The following TRIM3 variants were observed in gnomAD, a reference collection of about 807,000 sequenced individuals.
TRIM3 encodes the protein tripartite motif containing 3, also known as tripartite motif-containing protein 3.
TRIM3 carries 13 observed loss-of-function variants against 66.6 expected under a neutral mutation model. The observed-to-expected ratio is 0.20, with a 90% CI of 0.13 to 0.31. The LOEUF (loss-of-function observed/expected upper bound fraction) is 0.31. Among genes scored for constraint, TRIM3 ranks in the 10% least tolerant of loss-of-function variants. The pLI is 1.00. For synonymous variants in TRIM3, 406 were observed against 411.7 expected (o/e 0.99, Z 0.17); for missense variants, 711 against 1,020.4 (o/e 0.70, Z 4.13).
At chr11:6,471,936 T>C (rs545204320) in intron 1 of TRIM3, among the ~76,000 whole-genome samples, 6 of 152,246 alleles carry the variant, frequency 3.9e-5, no homozygotes, top group African/African-American at 1.4e-4. Context: ...ATGATGCTTT[T>C]ACATCCTAAA....
At chr11:6,459,542 G>T (rs1261707115) in intron 2 of TRIM3, among the ~76,000 whole-genome samples, 1 of 152,200 alleles carries the variant, frequency 6.6e-6, no homozygotes, top group Non-Finnish European at 1.5e-5. Flanking sequence ...AGGGCAAGTG[G>T]CCCAAGGTAA....
At chr11:6,465,334 T>C (rs1850412142) in intron 2 of TRIM3, among the ~76,000 whole-genome samples, 1 of 152,198 alleles carries the variant, frequency 6.6e-6, no homozygotes, top group Non-Finnish European at 1.5e-5. Flanking sequence ...AAGGCCCTAT[T>C]CTTGACAGGA....
rs1849608881 is a variant in TRIM3, at chr11:6,448,940, C to T, written c.*88G>A. On this transcript the variant is annotated 3_prime_UTR_variant, in exon 12 of 12. Coordinates refer to ENST00000345851, the MANE Select transcript of TRIM3 (RefSeq NM_033278.4). ...TGCCCACAGCCCACATTCAGTGCTG[C>T]CAGGTCTGGCCCACCTCCCAGCCAG... 1 of 1,547,106 alleles carries T rather than the reference C, an allele frequency of 6.5e-7. No homozygotes were observed. The highest frequency in any genetic ancestry group is 1.2e-5 in the South Asian group (1 of 86,226).
At chr11:6,465,867 G>A (rs1850442926) in intron 1 of TRIM3, 135 bp from the exon 2 acceptor site, 1 of 717,880 alleles carries the variant, frequency 1.4e-6, no homozygotes, top group Non-Finnish European at 2.3e-6. Flanking sequence ...GTGACTGGAA[G>A]GATCAGGGTG....
In TRIM3 at chr11:6,449,604, T is replaced by C. The variant is rs1849638315; in HGVS notation, c.1942-158A>G. 2 of 597,170 alleles carry C rather than the reference T, an allele frequency of 3.3e-6. No homozygotes were observed. The highest frequency in any genetic ancestry group is 5.0e-5 in the South Asian group (2 of 39,660). 37.0% of individuals were successfully genotyped at this position (597,170 alleles called of 1,614,324 possible). On this transcript the variant is annotated intron_variant, in intron 10 of 11. Transcript: ENST00000345851. This position sits in a 1 kb window ranked among gnomAD's most constrained non-coding sequence, Gnocchi z 5.3. ...TAGGCTTCACATCCATGTGCCCTAC[T>C]GCCTAGTAGACATCTCTTGCTGATG...
In TRIM3 at chr11:6,449,295, G is replaced by T; in HGVS notation, c.2082+11C>A. On this transcript the variant is annotated intron_variant, in intron 11 of 11. Transcript: ENST00000345851. This position sits in a 1 kb window ranked among gnomAD's most constrained non-coding sequence, Gnocchi z 5.3. Reference sequence around the variant, plus strand: ...AACCGCCCCCTCATGTCATTCCCAGGCCTTACTCACCTGGATGCGGCTGTT... The same window carrying T: ...AACCGCCCCCTCATGTCATTCCCAGTCCTTACTCACCTGGATGCGGCTGTT... 1 of 1,613,394 alleles carries T rather than the reference G, an allele frequency of 6.2e-7. No homozygotes were observed.
chr11:6,467,549 T>C (rs1010541971), intron 1 of TRIM3, among the ~76,000 whole-genome samples: 4 of 152,194 alleles, frequency 2.6e-5, no homozygotes, highest in African/African-American at 9.6e-5. Flanking sequence ...GAAGATCGTT[T>C]GAGCCCAGGA....
intron 2 of TRIM3, among the ~76,000 whole-genome samples, chr11:6,463,219 A>G (rs1416218636): frequency 1.3e-5 from 2 of 152,204 alleles, no homozygotes; most frequent in Admixed American, 1.3e-4. Flanking sequence ...AAACAAAAAC[A>G]AAAACAAAAA....
intron 2 of TRIM3, among the ~76,000 whole-genome samples, chr11:6,459,217 G>T (rs1850119616): frequency 6.6e-6 from 1 of 152,228 alleles, no homozygotes; most frequent in Admixed American, 6.5e-5. Flanking sequence ...AAGCAGCATA[G>T]TATGAATAAG....
intron 2 of TRIM3, among the ~76,000 whole-genome samples, chr11:6,462,593 G>T (rs1371985886): frequency 2.6e-5 from 4 of 151,468 alleles, no homozygotes; most frequent in Non-Finnish European, 5.9e-5. Flanking sequence ...TTCTTTTTTA[G>T]AGACTGCATC....
chr11:6,457,468 T>C lies in TRIM3; in HGVS notation c.524A>G (p.Gln175Arg). The C allele has an allele frequency of 6.2e-7, 1 of 1,612,412 alleles. No homozygotes were observed. The highest frequency in any genetic ancestry group is 8.5e-7 in the Non-Finnish European group (1 of 1,179,916). Residue 175 changes from glutamine to arginine, a missense_variant, in exon 5 of 12, where the codon CAG becomes CGG. This residue lies in a region of TRIM3 where 149 missense variants were observed against 240.3 expected (regional missense o/e 0.62). Coordinates refer to ENST00000345851, the MANE Select transcript of TRIM3 (RefSeq NM_033278.4). This position sits in a 1 kb window ranked among gnomAD's most constrained non-coding sequence, Gnocchi z 4.5. ...QLEAVRGRLP[Q>R]LSAAIALVGG... ...GACTAAGGCAATTGCTGCGGACAGC[T>C]GTGGCAATCTGGAGGGGGAATATCT...
At chr11:6,470,246 C>T (rs1850627487) in intron 1 of TRIM3, among the ~76,000 whole-genome samples, 1 of 152,064 alleles carries the variant, frequency 6.6e-6, no homozygotes, top group Non-Finnish European at 1.5e-5. Flanking sequence ...ATCAATTTTG[C>T]AGGGGGATAT....
intron 7 of TRIM3, chr11:6,453,087 C>G (rs1002379378): frequency 6.6e-6 from 1 of 152,220 alleles, no homozygotes; most frequent in Non-Finnish European, 1.5e-5. Context: ...ATGTAAGCCT[C>G]GCATGGCATA....
chr11:6,457,793 C>A lies in TRIM3; in HGVS notation c.418G>T (p.Ala140Ser). 6.2e-7 allele frequency: 1 copy of A among 1,614,200 alleles called. No individual in the cohort carries two copies. Residue 140 changes from alanine (A) to serine (S), a missense_variant, in exon 4 of 12, where the codon GCC (alanine) becomes TCC (serine). Ala to Ser is a moderately conservative substitution (Grantham distance 99, BLOSUM62 1). Coordinates refer to ENST00000345851, the MANE Select transcript of TRIM3 (RefSeq NM_033278.4). This position sits in a 1 kb window ranked among gnomAD's most constrained non-coding sequence, Gnocchi z 4.5. ...GTGCCATGCTCACGATGCTCCCCGGCGCGGCACTCACCACACATGGCCGTC... is the reference window on the plus strand; with the variant it reads ...GTGCCATGCTCACGATGCTCCCCGGAGCGGCACTCACCACACATGGCCGTC... Reference protein sequence around the residue: ...CETAMCGECRAGEHREHGTVL... With the variant: ...CETAMCGECRSGEHREHGTVL...
In TRIM3 at chr11:6,456,983, A is replaced by G; in HGVS notation, c.743T>C (p.Ile248Thr). 1 of 1,606,122 alleles carries G rather than the reference A, an allele frequency of 6.2e-7. No individual in the cohort carries two copies. The highest frequency in any genetic ancestry group is 8.5e-7 in the Non-Finnish European group (1 of 1,177,752). The change falls in exon 6 of 12, where the codon ATC (isoleucine) becomes ACC (threonine). Residue 248 changes from isoleucine to threonine, a missense_variant. Around this residue, in one of 3 missense-constraint regions of TRIM3, gnomAD observed 399 missense variants for 458.1 expected, o/e 0.87. Coordinates refer to ENST00000345851, the MANE Select transcript of TRIM3 (RefSeq NM_033278.4). The surrounding 1 kb of genome is among the most constrained non-coding windows in gnomAD (Gnocchi z 6.4). ...CTCTGCAAAGCTGCAGCTACTGCCGATGTGTTCCTGACCCTGGCGCAGTGT... is the reference window on the plus strand; with the variant it reads ...CTCTGCAAAGCTGCAGCTACTGCCGGTGTGTTCCTGACCCTGGCGCAGTGT... ...LDTLRQGQEHIGSSCSFAEQA... is the reference protein window; with the variant it reads ...LDTLRQGQEHTGSSCSFAEQA...
In TRIM3 at chr11:6,456,131, C is replaced by T. The variant is rs1228169539; in HGVS notation, c.1474G>A (p.Val492Met). The part of the protein sequence containing the change: ...EKGEFTNLQG[V>M]SAASSGRIVV... The stretch of plus-strand genomic sequence containing the variant: ...ATGCGGCCGCTGCTGGCTGCGGACA[C>T]ACCTTGTAAATTGGTGAATTCACCT... Residue 492 changes from valine to methionine, a missense_variant, in exon 7 of 12, where the codon GTG becomes ATG. Val to Met is a conservative substitution (Grantham distance 21). Transcript: ENST00000345851. The surrounding 1 kb of genome is among the most constrained non-coding windows in gnomAD (Gnocchi z 6.4). 1.2e-6 allele frequency: 2 copies of T among 1,614,136 alleles called. No individual in the cohort carries two copies. The highest frequency in any genetic ancestry group is 1.7e-5 in the Admixed American group (1 of 60,014).
chr11:6,464,149 G>A (rs1052658834), intron 2 of TRIM3, among the ~76,000 whole-genome samples: 1 of 152,140 alleles, frequency 6.6e-6, no homozygotes, highest in African/African-American at 2.4e-5. Context: ...GGCTTCATGT[G>A]GCTCTCAGGG....
rs150600851 is a variant in TRIM3, at chr11:6,465,409, C to A, written c.131+156G>T. 2.1e-3 allele frequency among the ~76,000 whole-genome samples: 313 copies of A among 152,250 alleles called. 1 individual carries two copies. Among genetic ancestry groups the A allele is most frequent in the African/African-American group, 7.3e-3 (304 of 41,522 alleles). ...GGTTCTTGCCCTCAAAACCTCATTT[C>A]CTGCAGGTTGGGGTTCACCTGCTCT... On this transcript the variant is annotated intron_variant, in intron 2 of 11. Transcript: ENST00000345851.
At chr11:6,451,674 G>A (rs931757120) in intron 7 of TRIM3, 2 of 538,672 alleles carry the variant, frequency 3.7e-6, no homozygotes, top group African/African-American at 1.9e-5. Context: ...AAGGCTCCAA[G>A]AGAAGAAGAT....
Sources: allele counts gnomAD v4.1 joint callset (sites outside exome capture counted in the v4.1 genomes callset), GRCh38; gene constraint gnomAD v4.1.1; regional missense constraint gnomAD v4.1.1; non-coding constraint Gnocchi (gnomAD v3.1); transcripts MANE v1.5; gene names NCBI Gene and HGNC (gene_info 2026-07-23, HGNC 2026-07-21).